Variants in CHLSN observed in about 807,000 individuals in gnomAD.
The protein encoded by CHLSN is cholesin, also known as protein cholesin.
the CHLSN span, chr7:1,057,619 T>C: frequency 1.4e-3 from 1,086 of 769,486 alleles, 9 homozygotes; most frequent in Admixed American, 6.7e-4. Context: ...CTGGGCCTGG[T>C]GGTGGGCGTG....
the CHLSN span, among the ~76,000 whole-genome samples, chr7:999,824 G>T: frequency 1.3e-5 from 2 of 152,244 alleles, no homozygotes; most frequent in Admixed American, 6.5e-5. Context: ...CAGAACCGTG[G>T]GCTCCTCCAG....
the CHLSN span, among the ~76,000 whole-genome samples, chr7:1,121,255 C>T: frequency 4.0e-5 from 6 of 151,706 alleles, no homozygotes; most frequent in African/African-American, 1.5e-4. Flanking sequence ...ACCCGGCATG[C>T]AGCAGTCAGA....
chr7:978,470 G>A, the CHLSN span, among the ~76,000 whole-genome samples: 1 of 152,180 alleles, frequency 6.6e-6, no homozygotes, highest in Non-Finnish European at 1.5e-5. Context: ...AGTGAACCAA[G>A]ATCGCACCAC....
chr7:1,086,819 C>G, the CHLSN span: 1 of 152,754 alleles, frequency 6.5e-6, no homozygotes, highest in Non-Finnish European at 1.5e-5. Context: ...ATTACTCATA[C>G]TCAGCGGACA....
chr7:984,989 G>C, the CHLSN span: 3 of 1,609,598 alleles, frequency 1.9e-6, no homozygotes, highest in Admixed American at 1.7e-5. Context: ...AGGGCTGCCC[G>C]CCAGTTCACG....
the CHLSN span, among the ~76,000 whole-genome samples, chr7:1,095,297 C>G: frequency 7.5e-6 from 1 of 132,860 alleles, no homozygotes. Context: ...CACACCTGGG[C>G]GCTGTCTTTA....
At chr7:1,027,917 G>A in the CHLSN span, among the ~76,000 whole-genome samples, 6 of 152,212 alleles carry the variant, frequency 3.9e-5, no homozygotes, top group African/African-American at 1.4e-4. Context: ...CAGCGCAGGG[G>A]AGCCTGGCCG....
chr7:1,008,682 C>G, the CHLSN span, among the ~76,000 whole-genome samples: 3 of 152,150 alleles, frequency 2.0e-5, no homozygotes, highest in Non-Finnish European at 4.4e-5. Flanking sequence ...GCAGGGCAGC[C>G]AAGAGCCCCT....
chr7:1,016,632 C>T, the CHLSN span, among the ~76,000 whole-genome samples: 89 of 109,860 alleles, frequency 8.1e-4, 12 homozygotes, highest in African/African-American at 2.8e-3. Context: ...AGCACAGTAG[C>T]GCACGCCAGC....
At chr7:1,025,230 C>T in the CHLSN span, 1,083 of 152,438 alleles carry the variant, frequency 7.1e-3, 7 homozygotes, top group Middle Eastern at 0.027. Context: ...CTGCTAACGG[C>T]TTCATCACTG....
At chr7:978,584 G>A in the CHLSN span, among the ~76,000 whole-genome samples, 1 of 152,244 alleles carries the variant, frequency 6.6e-6, no homozygotes, top group Admixed American at 6.5e-5. Flanking sequence ...TCAAGGTATT[G>A]CAGGTATTTC....
At chr7:1,076,351 C>CT in the CHLSN span, 1 of 154,778 alleles carries the variant, frequency 6.5e-6, no homozygotes, top group South Asian at 2.0e-4. Flanking sequence ...AGGAGCACCA[C>CT]CAGATAGGCT....
At chr7:1,096,494 G>A in the CHLSN span, among the ~76,000 whole-genome samples, 1 of 152,204 alleles carries the variant, frequency 6.6e-6, no homozygotes, top group African/African-American at 2.4e-5. The surrounding 1 kb of genome is among the most constrained non-coding windows in gnomAD (Gnocchi z 4.6). Flanking sequence ...GACTCCGTGG[G>A]TGCCGCCGGC....
chr7:1,092,425 T>G, the CHLSN span: 1 of 1,609,150 alleles, frequency 6.2e-7, no homozygotes. Context: ...CATCGGCCTG[T>G]GCTACTCCCT....
the CHLSN span, among the ~76,000 whole-genome samples, chr7:1,031,129 A>C: frequency 6.6e-6 from 1 of 152,180 alleles, no homozygotes; most frequent in African/African-American, 2.4e-5. Flanking sequence ...GCCAAGAGGA[A>C]AGGAAGGGCC....
the CHLSN span, among the ~76,000 whole-genome samples, chr7:1,003,009 G>A: frequency 1.8e-5 from 1 of 56,482 alleles, no homozygotes; most frequent in Non-Finnish European, 3.5e-5. Context: ...GGGGAGTCCT[G>A]TGGGTGAGTG....
the CHLSN span, among the ~76,000 whole-genome samples, chr7:1,063,058 GC>G: frequency 6.6e-6 from 1 of 152,066 alleles, no homozygotes; most frequent in Non-Finnish European, 1.5e-5. Flanking sequence ...CATCTGACCT[GC>G]CCCCTCCGTT....
the CHLSN span, among the ~76,000 whole-genome samples, chr7:1,010,772 G>A: frequency 3.9e-5 from 6 of 152,196 alleles, no homozygotes; most frequent in Non-Finnish European, 7.3e-5. Flanking sequence ...CAAAAGAAGA[G>A]GACGGTGCAA....
the CHLSN span, among the ~76,000 whole-genome samples, chr7:1,042,365 G>A: frequency 9.2e-5 from 14 of 152,342 alleles, no homozygotes; most frequent in African/African-American, 2.9e-4. Flanking sequence ...GTGCAACCGC[G>A]AAGCTGAGTC....
Sources: gnomAD v4.1 joint callset for allele counts (sites outside exome capture counted in the v4.1 genomes callset) on GRCh38, gnomAD v4.1.1 for gene constraint, Gnocchi (gnomAD v3.1) non-coding constraint, MANE v1.5 for transcripts, NCBI Gene and HGNC (gene_info 2026-07-23, HGNC 2026-07-21) for gene names.